IQCE: variants seen among roughly 807,000 people sequenced by gnomAD.
IQCE encodes IQ domain-containing protein E.
Under a neutral mutation model 96.0 loss-of-function variants are expected in IQCE, and 115 were observed. The observed-to-expected ratio is 1.20, with a 90% CI of 1.03 to 1.40. The LOEUF is 1.40. Ranked by LOEUF, IQCE falls within the 40% of genes most tolerant of loss-of-function variation. The pLI is 0.00. For synonymous variants in IQCE, 412 were observed against 371.2 expected, an observed-to-expected ratio of 1.11 and a Z score of -1.26; for missense variants, 1,041 against 909.1, an observed-to-expected ratio of 1.15 and a Z score of -1.87.
chr7:2,607,147 C>G lies in IQCE; in HGVS notation c.1889C>G (p.Thr630Ser). ...AGTGCTACCGGTAAAAGAACCACCA[C>G]CGCAGCTTCTACCAGGAGGAGATCG... Reference protein sequence around the residue: ...RHSATGKRTTTAASTRRRSAS... With the variant: ...RHSATGKRTTSAASTRRRSAS... Residue 630 changes from threonine (T) to serine (S), a missense_variant, in exon 21 of 22, where the codon ACC becomes AGC. Transcript: ENST00000402050. 1 of 1,608,954 alleles carries G rather than the reference C, an allele frequency of 6.2e-7. No individual in the cohort carries two copies. Among genetic ancestry groups the G allele is most frequent in the Non-Finnish European group, 8.5e-7 (1 of 1,178,046 alleles).
chr7:2,569,971 T>A (rs548062688), intron 3 of IQCE, among the ~76,000 whole-genome samples: 1 of 152,142 alleles, frequency 6.6e-6, no homozygotes, highest in Admixed American at 6.5e-5. Context: ...AGAATTGATA[T>A]AAAGTAAAAG....
intron 6 of IQCE, among the ~76,000 whole-genome samples, chr7:2,577,421 G>A: frequency 2.3e-5 from 3 of 131,814 alleles, no homozygotes; most frequent in African/African-American, 5.8e-5. Context: ...GGGGACGTGT[G>A]TGCGGCGTGC....
rs373573892 is a variant in IQCE at position 2,578,877 on chromosome 7, G to A, written c.630+351G>A. ...GGAGTTCGAGACCAGCCTTGCCAAC[G>A]TTGTGAAACCCTGTCTCTACTAAAA... is the stretch of plus-strand genomic sequence containing the variant. On this transcript the variant is annotated intron_variant, in intron 8 of 21. Coordinates refer to ENST00000402050, the MANE Select transcript of IQCE (RefSeq NM_152558.5). 5.3e-5 allele frequency among the ~76,000 whole-genome samples: 8 copies of A among 152,194 alleles called. No homozygotes were observed. In the East Asian group the frequency reaches 1.5e-3, roughly 29 times the overall value.
chr7:2,578,361 C>T lies in IQCE; in HGVS notation c.579+6C>T, dbSNP rs1255574699. On this transcript the variant is annotated splice_donor_region_variant and intron_variant, in intron 7 of 21. Transcript: ENST00000402050. ...AGCTCCTGGATCCCAGCCGCGTAAG[C>T]TCCTGGCGCTTCACGGACGGGGCAA... 1 of 1,613,438 alleles carries T rather than the reference C, an allele frequency of 6.2e-7. No individual in the cohort carries two copies. The highest frequency in any genetic ancestry group is 8.5e-7 in the Non-Finnish European group (1 of 1,179,364).
intron 17 of IQCE, 161 bp downstream of exon 17, chr7:2,598,793 C>A (rs1784243000): frequency 1.9e-6 from 1 of 521,002 alleles, no homozygotes; most frequent in Non-Finnish European, 3.1e-6. Flanking sequence ...CACACGCTGA[C>A]ACCTCCGTTC....
Position 2,611,685 on chromosome 7 carries a change from C to T in IQCE, c.*1523C>T, listed in dbSNP as rs1293271487. ...CTCTCCCAGTCACTCAGGGATGGGG[C>T]CACCCAAAGTGCAGGACCCGCCCCA... On this transcript the variant is annotated 3_prime_UTR_variant, in exon 22 of 22. Transcript: ENST00000402050. The T allele has an allele frequency of 6.6e-6, 1 of 152,214 alleles. No homozygotes were observed. Among genetic ancestry groups the T allele is most frequent in the Non-Finnish European group, 1.5e-5 (1 of 68,048 alleles). 9.4% of individuals were successfully genotyped at this position (152,214 alleles called of 1,614,324 possible).
chr7:2,589,852 A>T lies in IQCE; in HGVS notation c.1045-55A>T, dbSNP rs1783440114. 10 of 1,544,324 alleles carry T rather than the reference A, an allele frequency of 6.5e-6. No homozygotes were observed. In the Admixed American group the frequency reaches 1.7e-4, roughly 26 times the overall value. ...TCAGTGTCTCTTTTCTGGGTTTGGT[A>T]AATAGAAAGTAGAAATGAGAACTAG... On this transcript the variant is annotated intron_variant, in intron 13 of 21. Coordinates refer to ENST00000402050, the MANE Select transcript of IQCE (RefSeq NM_152558.5).
rs1347875502 is a variant in IQCE, at chr7:2,608,350, C to T, written c.1969+1123C>T. On this transcript the variant is annotated intron_variant, in intron 21 of 21. Transcript: ENST00000402050. ...AGAGCCTTCCCTCCCCAGGGGGTCC[C>T]GCTAGGGGCTGTGTTTTAGAGAGTC... 2.6e-5 allele frequency among the ~76,000 whole-genome samples: 4 copies of T among 152,216 alleles called. No individual in the cohort carries two copies. The South Asian group carries it at 6.2e-4, about 24-fold the overall frequency.
chr7:2,584,112 T>C, intron 10 of IQCE, 124 bp from the exon 11 acceptor site: 1 of 847,000 alleles, frequency 1.2e-6, no homozygotes, highest in Non-Finnish European at 2.0e-6. Flanking sequence ...AAAGATGAAG[T>C]GCGGCCACTT....
At chr7:2,606,857 G>A (rs1039200708) in intron 20 of IQCE, among the ~76,000 whole-genome samples, 6 of 152,174 alleles carry the variant, frequency 3.9e-5, no homozygotes, top group African/African-American at 1.4e-4. Context: ...AGCCGTCTGA[G>A]GCCAGCTTAT....
At chr7:2,563,089 C>T (rs1176865495) in intron 1 of IQCE, among the ~76,000 whole-genome samples, 3 of 151,966 alleles carry the variant, frequency 2.0e-5, no homozygotes, top group Non-Finnish European at 4.4e-5. Flanking sequence ...CCATGCCTGG[C>T]GAATTTTTTA....
chr7:2,589,282 C>T (rs1042234253), intron 13 of IQCE, among the ~76,000 whole-genome samples: 2 of 151,918 alleles, frequency 1.3e-5, no homozygotes, highest in South Asian at 2.1e-4. Flanking sequence ...GCAGGAGGAA[C>T]GCTTGAGCCC....
At chr7:2,599,062 C>A (rs1277609363) in intron 17 of IQCE, among the ~76,000 whole-genome samples, 1 of 152,218 alleles carries the variant, frequency 6.6e-6, no homozygotes, top group African/African-American at 2.4e-5. Flanking sequence ...CTGTTTCCCG[C>A]CAGCATTCGG....
Position 2,611,722 on chromosome 7 carries a change from G to A in IQCE, c.*1560G>A, listed in dbSNP as rs576948821. 4 of 152,400 alleles carry A rather than the reference G, an allele frequency of 2.6e-5. No homozygotes were observed. Among genetic ancestry groups the A allele is most frequent in the African/African-American group, 9.6e-5 (4 of 41,580 alleles). The allele number at this position is 152,400 out of a possible 1,614,324, so 9.4% of individuals were successfully genotyped here. A position where few individuals can be genotyped will look rare whatever the true frequency, so the allele number is the denominator to read the frequency against. ...CAGGACCCGCCCCACCCTGCGGTTC[G>A]AAGCCTGGCCCCTGTCTCCACTTAG... On this transcript the variant is annotated 3_prime_UTR_variant, in exon 22 of 22. Coordinates refer to ENST00000402050, the MANE Select transcript of IQCE (RefSeq NM_152558.5).
chr7:2,564,624 GA>G (rs201594299), intron 1 of IQCE, among the ~76,000 whole-genome samples: 1,598 of 152,174 alleles, frequency 0.011, 20 homozygotes, highest in African/African-American at 0.036. Context: ...ATACATTTGT[GA>G]ATTCCTTTCT....
At chr7:2,563,377 G>GTGTGTGTGTGTGTA (rs1562615829) in intron 1 of IQCE, among the ~76,000 whole-genome samples, 26 of 48,542 alleles carry the variant, frequency 5.4e-4, no homozygotes, top group African/African-American at 4.7e-3. Flanking sequence ...ATTTTTTGTT[G>GTGTGTGTGTGTGTA]TGTGTGTGTG....
intron 3 of IQCE, 44 bp from the exon 4 acceptor site, chr7:2,571,482 T>C (rs373449897): frequency 6.2e-7 from 1 of 1,602,632 alleles, no homozygotes; most frequent in African/African-American, 1.3e-5. Flanking sequence ...TGAGCTCACA[T>C]GTTGCTGTCC....
At position 2,589,941 on chromosome 7, in the gene IQCE, C is replaced by A. The variant is rs374978743; in HGVS notation, c.1079C>A (p.Ala360Asp). The change falls in exon 14 of 22, where the codon GCC (alanine) becomes GAC (aspartate). Residue 360 changes from alanine (A) to aspartate (D), a missense_variant. Physicochemically the swap from Ala to Asp is moderately radical, Grantham distance 126 (BLOSUM62 -2). Coordinates refer to ENST00000402050, the MANE Select transcript of IQCE (RefSeq NM_152558.5). The stretch of plus-strand genomic sequence containing the variant: ...GTGATGGAGAGCTCAAAATCACACG[C>A]CGCAGAGCCAGTCAGATCACACCCG... ...LSVMESSKSH[A>D]AEPVRSHPPA... 1 of 1,613,960 alleles carries A rather than the reference C, an allele frequency of 6.2e-7. No individual in the cohort carries two copies.
At chr7:2,581,754 C>T (rs11770703) in intron 8 of IQCE, among the ~76,000 whole-genome samples, 1 of 147,978 alleles carries the variant, frequency 6.8e-6, no homozygotes, top group Non-Finnish European at 1.5e-5. Flanking sequence ...CTGTCACCCA[C>T]GCTGGAGTGC....
Sources: allele counts gnomAD v4.1 joint callset (sites outside exome capture counted in the v4.1 genomes callset), GRCh38; gene constraint gnomAD v4.1.1; transcripts MANE v1.5; gene names NCBI Gene and HGNC (gene_info 2026-07-23, HGNC 2026-07-21).